Variants in CYGB observed in about 807,000 individuals in gnomAD.
CYGB encodes the protein histoglobin.
Under a neutral mutation model 20.7 loss-of-function variants are expected in CYGB, and 13 were observed. The observed-to-expected ratio is 0.63, with a 90% CI of 0.41 to 1.00. The LOEUF (loss-of-function observed/expected upper bound fraction) is 1.00, where lower values mean the gene tolerates loss of function less well. Ranked by LOEUF, CYGB falls within the 50% of genes least tolerant of loss-of-function variation. CYGB has a pLI of 0.00. For synonymous variants in CYGB, 93 were observed against 107.4 expected (o/e 0.87, Z 0.83); for missense variants, 218 against 257.2 (o/e 0.85, Z 1.04).
At chr17:76,537,712 G>A (rs940886478), upstream of CYGB, 45 of 397,562 alleles carry the variant, frequency 1.1e-4, no homozygotes, top group Admixed American at 2.0e-4. Flanking sequence ...GTGTGTGTGT[G>A]TGTGCGTGCG....
intron 1 of CYGB, chr17:76,544,423 G>A (rs780217784): frequency 2.2e-6 from 1 of 454,922 alleles, no homozygotes; most frequent in Non-Finnish European, 4.4e-6. Flanking sequence ...TCAGGGTGGG[G>A]GAGGAGGTGC....
At chr17:76,540,661 G>A, upstream of CYGB, 2 of 1,313,208 alleles carry the variant, frequency 1.5e-6, no homozygotes, top group Non-Finnish European at 2.2e-6. The surrounding 1 kb of genome is among the most constrained non-coding windows in gnomAD (Gnocchi z 5.0). Flanking sequence ...GTGTGCCTGT[G>A]CGCGCCTGTG....
chr17:76,535,200 T>G (rs1373516403), intron 1 of CYGB, among the ~76,000 whole-genome samples: 1 of 152,050 alleles, frequency 6.6e-6, no homozygotes, highest in Admixed American at 6.5e-5. Flanking sequence ...GTTGGGGGTG[T>G]GGAAGTGCAG....
At chr17:76,544,400 G>A (rs528379750) in intron 1 of CYGB, 32 of 454,940 alleles carry the variant, frequency 7.0e-5, no homozygotes, top group African/African-American at 5.2e-4. Context: ...AGAGGGAACC[G>A]CTGGGGAGGC....
chr17:76,528,849 T>G lies in CYGB; in HGVS notation c.540-238A>C. The stretch of plus-strand genomic sequence containing the variant: ...GCTCCGGATCTTTTTCTCTAAAATG[T>G]GAATAATGTCTGTCTTGTGACATAA... On this transcript the variant is annotated intron_variant, in intron 3 of 3. Coordinates refer to ENST00000293230, the MANE Select transcript of CYGB (RefSeq NM_134268.5). The surrounding 1 kb of genome is among the most constrained non-coding windows in gnomAD (Gnocchi z 5.8). 1 of 1,216,264 alleles carries G rather than the reference T, an allele frequency of 8.2e-7. No homozygotes were observed. Among genetic ancestry groups the G allele is most frequent in the Non-Finnish European group, 1.0e-6 (1 of 974,580 alleles). The allele number at this position is 1,216,264 out of a possible 1,614,324, so 75.3% of individuals were successfully genotyped here.
intron 1 of CYGB, among the ~76,000 whole-genome samples, chr17:76,534,146 T>TCTC (rs2074885915): frequency 7.6e-4 from 98 of 129,006 alleles, no homozygotes; most frequent in Non-Finnish European, 1.2e-3. Context: ...CTCTTTCTCT[T>TCTC]TCTCTCTCTC....
In CYGB at chr17:76,531,896, T is replaced by C; in HGVS notation, c.144-205A>G. On this transcript the variant is annotated intron_variant, in intron 1 of 3. Coordinates refer to ENST00000293230, the MANE Select transcript of CYGB (RefSeq NM_134268.5). The surrounding 1 kb of genome is among the most constrained non-coding windows in gnomAD (Gnocchi z 7.4). ...CTCACCCCTACCAAGTCTGGCCATG[T>C]CTATCTGCCAGGCTTGCTCAGGCTG... The C allele has an allele frequency of 1.9e-6, 1 of 522,346 alleles. No homozygotes were observed. The highest frequency in any genetic ancestry group is 3.4e-6 in the Non-Finnish European group (1 of 292,096). The allele number at this position is 522,346 out of a possible 1,614,324, so 32.4% of individuals were successfully genotyped here.
At position 76,546,778 on chromosome 17, in the gene CYGB, A is replaced by C. The variant is rs2075057878; in HGVS notation, c.-53+4084T>G. 1 of 152,236 alleles carries C rather than the reference A, an allele frequency of 6.6e-6. No individual in the cohort carries two copies. The highest frequency in any genetic ancestry group is 1.5e-5 in the Non-Finnish European group (1 of 68,036). 9.4% of individuals were successfully genotyped at this position (152,236 alleles called of 1,614,324 possible). On this transcript the variant is annotated intron_variant, in intron 1 of 3. Transcript: ENST00000589145. This position sits in a 1 kb window ranked among gnomAD's most constrained non-coding sequence, Gnocchi z 4.5. ...CACTAACATGCATTGGGCGCTTACT[A>C]TGTGCTAGGCACTGTGCCAGCTGCT...
Position 76,530,043 on chromosome 17 carries a change from G to A in CYGB, c.539+936C>T, listed in dbSNP as rs375977503. On this transcript the variant is annotated intron_variant, in intron 3 of 3. Coordinates refer to ENST00000293230, the MANE Select transcript of CYGB (RefSeq NM_134268.5). This position sits in a 1 kb window ranked among gnomAD's most constrained non-coding sequence, Gnocchi z 6.1. ...GTGCCTGTGAACAGAAGGGCCGGCA[G>A]TCTTGGGGGCCCGTGCAGAGCCCGG... 1.0e-6 allele frequency: 1 copy of A among 985,316 alleles called. No individual in the cohort carries two copies. The highest frequency in any genetic ancestry group is 4.7e-5 in the South Asian group (1 of 21,298). 61.0% of individuals were successfully genotyped at this position (985,316 alleles called of 1,614,324 possible). A position where few individuals can be genotyped will look rare whatever the true frequency, so the allele number is the denominator to read the frequency against.
rs1399327687 is a variant in CYGB at position 76,530,825 on chromosome 17, G to GCCTGTTCTTACATGTCAGA, written c.539+135_539+153dup. Among the ~76,000 whole-genome samples, 91 of 152,242 alleles carry GCCTGTTCTTACATGTCAGA rather than the reference G, an allele frequency of 6.0e-4. No homozygotes were observed. Among genetic ancestry groups the GCCTGTTCTTACATGTCAGA allele is most frequent in the African/African-American group, 2.0e-3 (85 of 41,544 alleles). On this transcript the variant is annotated intron_variant, in intron 3 of 3. Coordinates refer to ENST00000293230, the MANE Select transcript of CYGB (RefSeq NM_134268.5). This position sits in a 1 kb window ranked among gnomAD's most constrained non-coding sequence, Gnocchi z 6.1. ...CCATCTTGAAGGCCTTTCCTATTATGCCTGTTCTTACATGTCAGACCCCAG... is the reference window on the plus strand; with the variant it reads ...CCATCTTGAAGGCCTTTCCTATTATGCCTGTTCTTACATGTCAGACCTGTTCTTACATGTCAGACCCCAG...
At position 76,528,262 on chromosome 17, in the gene CYGB, T is replaced by A. The variant is rs540711421; in HGVS notation, c.*316A>T. On this transcript the variant is annotated 3_prime_UTR_variant, in exon 4 of 4. Coordinates refer to ENST00000293230, the MANE Select transcript of CYGB (RefSeq NM_134268.5). This position sits in a 1 kb window ranked among gnomAD's most constrained non-coding sequence, Gnocchi z 5.8. ...GGCTGATAGAAACGGGGCTGGTTTA[T>A]TCCCTAAGGGACTCCTAGACCTGTC... 2.0e-5 allele frequency: 8 copies of A among 399,332 alleles called. No homozygotes were observed. The highest frequency in any genetic ancestry group is 3.5e-5 in the Non-Finnish European group (8 of 226,784). 24.7% of individuals were successfully genotyped at this position (399,332 alleles called of 1,614,324 possible). A position where few individuals can be genotyped will look rare whatever the true frequency, so the allele number is the denominator to read the frequency against.
At position 76,546,415 on chromosome 17, in the gene CYGB, C is replaced by T. The variant is rs2143192339; in HGVS notation, c.-53+4447G>A. 7.0e-6 allele frequency: 1 copy of T among 141,892 alleles called. No individual in the cohort carries two copies. The highest frequency in any genetic ancestry group is 2.6e-5 in the African/African-American group (1 of 38,286). 8.8% of individuals were successfully genotyped at this position (141,892 alleles called of 1,614,324 possible). ...TAGATGTCACCTTGGGGAGTACCCACCCATTCCAAGTGTGCGGTTGTGTGT... is the reference window on the plus strand; with the variant it reads ...TAGATGTCACCTTGGGGAGTACCCATCCATTCCAAGTGTGCGGTTGTGTGT... On this transcript the variant is annotated intron_variant, in intron 1 of 3. Coordinates refer to the CYGB transcript ENST00000589145. The surrounding 1 kb of genome is among the most constrained non-coding windows in gnomAD (Gnocchi z 4.5).
chr17:76,545,501 G>A (rs934331239), intron 1 of CYGB: 3 of 396,726 alleles, frequency 7.6e-6, no homozygotes, highest in Non-Finnish European at 1.5e-5. Context: ...GGAGAGCTGA[G>A]CCAAAGGGTG....
rs777872581 is a variant in CYGB, at chr17:76,531,808, G to A, written c.144-117C>T. 1.4e-4 allele frequency: 111 copies of A among 816,876 alleles called. 1 individual carries two copies. The highest frequency in any genetic ancestry group is 4.3e-4 in the East Asian group (16 of 37,464). 50.6% of individuals were successfully genotyped at this position (816,876 alleles called of 1,614,324 possible). A position where few individuals can be genotyped will look rare whatever the true frequency, so the allele number is the denominator to read the frequency against. On this transcript the variant is annotated intron_variant, in intron 1 of 3. Coordinates refer to ENST00000293230, the MANE Select transcript of CYGB (RefSeq NM_134268.5). The surrounding 1 kb of genome is among the most constrained non-coding windows in gnomAD (Gnocchi z 7.4). ...CCGCAGTGCTCCCCACCCCCGCACC[G>A]TCACTGTTTTCACTACCATCAGTAG...
At chr17:76,548,441 C>A (rs972967125) in intron 1 of CYGB, among the ~76,000 whole-genome samples, 1 of 152,224 alleles carries the variant, frequency 6.6e-6, no homozygotes, top group African/African-American at 2.4e-5. Flanking sequence ...TATCAGGTGT[C>A]AGGAGTGACA....
chr17:76,528,544 G>A lies in CYGB; in HGVS notation c.*34C>T. 2 of 1,289,218 alleles carry A rather than the reference G, an allele frequency of 1.6e-6. No individual in the cohort carries two copies. Among genetic ancestry groups the A allele is most frequent in the East Asian group, 3.1e-5 (1 of 32,592 alleles). The allele number at this position is 1,289,218 out of a possible 1,614,324, so 79.9% of individuals were successfully genotyped here. On this transcript the variant is annotated 3_prime_UTR_variant, in exon 4 of 4. Transcript: ENST00000293230. This position sits in a 1 kb window ranked among gnomAD's most constrained non-coding sequence, Gnocchi z 5.8. The stretch of plus-strand genomic sequence containing the variant: ...CTTCAGAACTCGGCCTTCTGCTCGA[G>A]GTGCTGCCAGGGAGGGGGGTGGAGT...
Position 76,531,188 on chromosome 17 carries a change from C to A in CYGB, c.376-46G>T. 6.3e-7 allele frequency: 1 copy of A among 1,577,942 alleles called. No individual in the cohort carries two copies. The highest frequency in any genetic ancestry group is 8.7e-7 in the Non-Finnish European group (1 of 1,155,494). On this transcript the variant is annotated intron_variant, in intron 2 of 3. Coordinates refer to ENST00000293230, the MANE Select transcript of CYGB (RefSeq NM_134268.5). This position sits in a 1 kb window ranked among gnomAD's most constrained non-coding sequence, Gnocchi z 7.4. ...GGGGAGTGAACGCCCGGGCGCCCTG[C>A]GTCCTGCAACCCCCAGGCCCCTCCG...
rs2074843667 is a variant in CYGB, at chr17:76,531,532, C to T, written c.303G>A (p.Lys101=). The change falls in exon 2 of 4, where the codon AAG becomes AAA. Residue 101 remains lysine (K), a synonymous_variant. Transcript: ENST00000293230. The surrounding 1 kb of genome is among the most constrained non-coding windows in gnomAD (Gnocchi z 7.4). ...TVVENLHDPD[K]VSSVLALVGK... is the part of the protein sequence containing the mutation. ...CCACAAGGGCGAGCACAGAGGACAC[C>T]TTGTCGGGGTCATGCAGGTTCTCCA... The T allele has an allele frequency of 1.9e-6, 3 of 1,614,052 alleles. No homozygotes were observed. Among genetic ancestry groups the T allele is most frequent in the African/African-American group, 1.3e-5 (1 of 74,946 alleles).
rs200358726 is a variant in CYGB at position 76,531,454 on chromosome 17, G to A, written c.375+6C>T. ...TGGGGGCTCTGCAGCAGATGGGGGC[G>A]CATACCTTGAAGTACACCGGTTCCA... On this transcript the variant is annotated splice_donor_region_variant and intron_variant, in intron 2 of 3. Transcript: ENST00000293230. This position sits in a 1 kb window ranked among gnomAD's most constrained non-coding sequence, Gnocchi z 7.4. 1.4e-4 allele frequency: 228 copies of A among 1,600,658 alleles called. 3 individuals carry two copies. The East Asian group carries it at 5.0e-3, about 35-fold the overall frequency.
Sources: allele counts gnomAD v4.1 joint callset (sites outside exome capture counted in the v4.1 genomes callset), GRCh38; gene constraint gnomAD v4.1.1; non-coding constraint Gnocchi (gnomAD v3.1); transcripts MANE v1.5; gene names NCBI Gene and HGNC (gene_info 2026-07-23, HGNC 2026-07-21).